Variants in SRPK2 observed in about 807,000 individuals in gnomAD.
SRPK2 encodes SRSF protein kinase 2.
SRPK2 carries 21 observed loss-of-function variants against 90.8 expected under a neutral mutation model. That is an observed-to-expected ratio of 0.23 (90% CI 0.16 to 0.33). SRPK2 has a LOEUF of 0.33. Ranked by LOEUF, SRPK2 falls within the 10% of genes least tolerant of loss-of-function variation. The pLI is 1.00. For missense variants in SRPK2, 620 were observed against 869.0 expected (o/e 0.71, Z 3.60); for synonymous variants, 288 against 311.1 (o/e 0.93, Z 0.78).
intron 2 of SRPK2, among the ~76,000 whole-genome samples, chr7:105,238,253 ATCG>A (rs1800366541): frequency 1.3e-5 from 2 of 152,208 alleles, no homozygotes; most frequent in African/African-American, 4.8e-5. Context: ...CAAAATCATC[ATCG>A]TCGTCATCAT....
chr7:105,393,675 A>ACT (rs57179632), upstream of SRPK2, among the ~76,000 whole-genome samples: 734 of 151,684 alleles, frequency 4.8e-3, 11 homozygotes, highest in East Asian at 0.055. Flanking sequence ...TTGAGATATA[A>ACT]CACATACATG....
chr7:105,354,884 G>T (rs1817609674), intron 2 of SRPK2, among the ~76,000 whole-genome samples: 1 of 152,000 alleles, frequency 6.6e-6, no homozygotes, highest in Non-Finnish European at 1.5e-5. Context: ...CCCATCAACA[G>T]GCACGCCCCA....
At chr7:105,131,438 A>C (rs1281389789) in intron 13 of SRPK2, among the ~76,000 whole-genome samples, 1 of 152,222 alleles carries the variant, frequency 6.6e-6, no homozygotes, top group African/African-American at 2.4e-5. Flanking sequence ...TACCTAGCTA[A>C]GGCAGGGACT....
intron 2 of SRPK2, among the ~76,000 whole-genome samples, chr7:105,313,497 C>G (rs1041848282): frequency 6.6e-6 from 1 of 150,992 alleles, no homozygotes; most frequent in African/African-American, 2.4e-5. Flanking sequence ...CACCTGTAAT[C>G]CCAGCACTTT....
chr7:105,318,685 C>T (rs1812576954), intron 2 of SRPK2, among the ~76,000 whole-genome samples: 1 of 152,180 alleles, frequency 6.6e-6, no homozygotes, highest in Non-Finnish European at 1.5e-5. Context: ...AATATTCTAG[C>T]TTAATCAACC....
At chr7:105,217,003 T>C (rs1229887116) in intron 2 of SRPK2, among the ~76,000 whole-genome samples, 1 of 152,184 alleles carries the variant, frequency 6.6e-6, no homozygotes, top group Non-Finnish European at 1.5e-5. Context: ...ACTCTTCTGG[T>C]ATGTGGTGAC....
At chr7:105,325,275 T>C (rs1483500555) in intron 2 of SRPK2, among the ~76,000 whole-genome samples, 4 of 152,170 alleles carry the variant, frequency 2.6e-5, no homozygotes, top group African/African-American at 4.8e-5. Context: ...CTTACAATTA[T>C]ATAAAACACA....
At chr7:105,310,593 A>G (rs1172229012) in intron 2 of SRPK2, among the ~76,000 whole-genome samples, 1 of 152,104 alleles carries the variant, frequency 6.6e-6, no homozygotes, top group Non-Finnish European at 1.5e-5. Context: ...GTAGAAGCCG[A>G]GATCGCGCCA....
intron 2 of SRPK2, among the ~76,000 whole-genome samples, chr7:105,211,925 G>C (rs1268077725): frequency 1.3e-5 from 2 of 152,220 alleles, no homozygotes; most frequent in Admixed American, 6.5e-5. Context: ...AAAGAAAGGA[G>C]TTGGTGTTCT....
intron 10 of SRPK2, among the ~76,000 whole-genome samples, 182 bp from the exon 11 acceptor site, chr7:105,142,672 A>G (rs1273180767): frequency 6.6e-6 from 1 of 152,200 alleles, no homozygotes; most frequent in African/African-American, 2.4e-5. Context: ...TTCATTTAGT[A>G]ATTGGCCTGC....
chr7:105,142,022 C>A lies in SRPK2; in HGVS notation c.1529G>T (p.Gly510Val). ...RSRTVSASST[G>V]DLPKAKTRAA... is the part of the protein sequence containing the mutation. ...GAAACACTTACCTTTTGGCAAATCC[C>A]CAGTACTGGAGGCTGAAACCGTTCT... The change falls in exon 11 of 16, where the codon GGG becomes GTG. Residue 510 changes from glycine (G) to valine (V), a missense_variant. This residue lies in a region of SRPK2 where 243 missense variants were observed against 245.7 expected (regional missense o/e 0.99). Coordinates refer to ENST00000393651, the MANE Select transcript of SRPK2 (RefSeq NM_182692.3). 6.2e-7 allele frequency: 1 copy of A among 1,609,028 alleles called. No individual in the cohort carries two copies. Among genetic ancestry groups the A allele is most frequent in the African/African-American group, 1.3e-5 (1 of 74,794 alleles).
At chr7:105,195,597 T>C (rs1794820644) in intron 3 of SRPK2, among the ~76,000 whole-genome samples, 1 of 152,218 alleles carries the variant, frequency 6.6e-6, no homozygotes, top group African/African-American at 2.4e-5. Context: ...CAGTTAGGGC[T>C]TCTTACACCT....
chr7:105,279,027 G>C (rs1270157752), intron 2 of SRPK2, among the ~76,000 whole-genome samples: 1 of 152,094 alleles, frequency 6.6e-6, no homozygotes, highest in Non-Finnish European at 1.5e-5. Flanking sequence ...TTCAGATTGT[G>C]ATTTCATTTT....
upstream of SRPK2, among the ~76,000 whole-genome samples, chr7:105,392,372 AAAC>A (rs1463917714): frequency 6.6e-6 from 1 of 152,236 alleles, no homozygotes; most frequent in Non-Finnish European, 1.5e-5. Flanking sequence ...CTTCAAAACA[AAAC>A]AACAAAGTTA....
chr7:105,214,124 C>T (rs1797169989), intron 2 of SRPK2, among the ~76,000 whole-genome samples: 1 of 152,152 alleles, frequency 6.6e-6, no homozygotes. Context: ...GTGGCTATGG[C>T]ACAGTATGGG....
At chr7:105,126,368 G>A in intron 14 of SRPK2, 28 bp from the exon 15 acceptor site, 2 of 1,521,754 alleles carry the variant, frequency 1.3e-6, no homozygotes, top group Non-Finnish European at 1.8e-6. Context: ...AAAGGATATG[G>A]GAATGGGAGG....
At chr7:105,229,065 C>T (rs1799093743) in intron 2 of SRPK2, among the ~76,000 whole-genome samples, 1 of 151,974 alleles carries the variant, frequency 6.6e-6, no homozygotes, top group Non-Finnish European at 1.5e-5. Flanking sequence ...AAAGGCTGGC[C>T]CAAGAGAGCC....
rs554776786 is a variant in SRPK2 at position 105,177,218 on chromosome 7, C to T, written c.230-7953G>A. Reference sequence around the variant, plus strand: ...ATCAATGAAACCTTTTGATGACTTGCTTTTTTTAAAAGCACTGAGAATAGA... The same window carrying T: ...ATCAATGAAACCTTTTGATGACTTGTTTTTTTTAAAAGCACTGAGAATAGA... On this transcript the variant is annotated intron_variant, in intron 3 of 15. Transcript: ENST00000393651. Among the ~76,000 whole-genome samples the T allele has an allele frequency of 9.4e-4, 143 of 152,018 alleles. 1 individual carries two copies. The highest frequency in any genetic ancestry group is 4.6e-4 in the Non-Finnish European group (31 of 67,974).
intron 2 of SRPK2, among the ~76,000 whole-genome samples, chr7:105,217,619 T>A (rs1015356931): frequency 3.3e-5 from 5 of 152,250 alleles, no homozygotes; most frequent in Non-Finnish European, 7.3e-5. Flanking sequence ...CCTTGTGTCA[T>A]GAATCTTGTG....
Sources: gnomAD v4.1 joint callset for allele counts (sites outside exome capture counted in the v4.1 genomes callset) on GRCh38, gnomAD v4.1.1 for gene constraint, gnomAD v4.1.1 regional missense constraint, MANE v1.5 for transcripts, NCBI Gene and HGNC (gene_info 2026-07-23, HGNC 2026-07-21) for gene names.